Variants in ADD1 observed in about 807,000 individuals in gnomAD.
ADD1 encodes the protein alpha-adducin.
Under a neutral mutation model 80.5 loss-of-function variants are expected in ADD1, and 24 were observed. That is an observed-to-expected ratio of 0.30 (90% CI 0.22 to 0.42). The LOEUF is 0.42. Among genes scored for constraint, ADD1 ranks in the 10% least tolerant of loss-of-function variants. ADD1 has a pLI of 1.00. For synonymous variants in ADD1, 373 were observed against 393.8 expected (o/e 0.95, Z 0.63); for missense variants, 948 against 1,019.0 (o/e 0.93, Z 0.95).
chr4:2,846,229 C>G (rs79851133), intron 1 of ADD1, among the ~76,000 whole-genome samples: 2,557 of 152,274 alleles, frequency 0.017, 82 homozygotes, highest in African/African-American at 0.058. Context: ...AGTTTCCCCT[C>G]CATATTTAGT....
rs780374079 is a variant in ADD1, at chr4:2,869,933, C to T, written c.-20-5963C>T. Among the ~76,000 whole-genome samples, 145 of 152,140 alleles carry T rather than the reference C, an allele frequency of 9.5e-4. 2 individuals carry two copies. The highest frequency in any genetic ancestry group is 2.0e-4 in the Admixed American group (3 of 15,274). Reference sequence around the variant, plus strand: ...TCCTTTTTCCCACGGAGCAGTAATTCATTATTAGCTGACAATCAAAGAGCA... The same window carrying T: ...TCCTTTTTCCCACGGAGCAGTAATTTATTATTAGCTGACAATCAAAGAGCA... On this transcript the variant is annotated intron_variant, in intron 1 of 15. Coordinates refer to ENST00000683351, the MANE Select transcript of ADD1 (RefSeq NM_001354761.2).
chr4:2,925,936 C>A, intron 14 of ADD1, 78 bp from the exon 15 acceptor site: 1 of 1,288,840 alleles, frequency 7.8e-7, no homozygotes, highest in Non-Finnish European at 1.1e-6. Context: ...GCGGGCTGCC[C>A]CATCTGCCAT....
Position 2,929,494 on chromosome 4 carries a change from G to A in ADD1, c.*971G>A, listed in dbSNP as rs565322084. Reference sequence around the variant, plus strand: ...CACCGTCATTGATGGAGCCTGAACCGTGTGCTCCTCGGCAGATGCTGTTGT... The same window carrying A: ...CACCGTCATTGATGGAGCCTGAACCATGTGCTCCTCGGCAGATGCTGTTGT... On this transcript the variant is annotated 3_prime_UTR_variant, in exon 16 of 16. Coordinates refer to ENST00000683351, the MANE Select transcript of ADD1 (RefSeq NM_001354761.2). The A allele has an allele frequency of 5.2e-5, 8 of 152,430 alleles. No individual in the cohort carries two copies. In the South Asian group the frequency reaches 1.2e-3, roughly 24 times the overall value. 9.4% of individuals were successfully genotyped at this position (152,430 alleles called of 1,614,324 possible).
In ADD1 at chr4:2,926,046, A is replaced by G. The variant is rs770687955; in HGVS notation, c.1981A>G (p.Lys661Glu). 5.6e-6 allele frequency: 9 copies of G among 1,614,060 alleles called. No homozygotes were observed. In the African/African-American group the frequency reaches 6.7e-5, roughly 12 times the overall value. ...GGACGAGGCTAGAGAACAGAAAGAA[A>G]AGAGTCCTCCAGACCAGCCTGCGGT... ...NLDEAREQKE[K>E]SPPDQPAVPH... is the part of the protein sequence containing the mutation. Residue 661 changes from lysine (K) to glutamate (E), a missense_variant, in exon 15 of 16, where the codon AAG becomes GAG. Coordinates refer to ENST00000683351, the MANE Select transcript of ADD1 (RefSeq NM_001354761.2). The surrounding 1 kb of genome is among the most constrained non-coding windows in gnomAD (Gnocchi z 5.0).
intron 1 of ADD1, 44 bp from the exon 2 acceptor site, chr4:2,875,852 A>T: frequency 6.9e-7 from 1 of 1,439,264 alleles, no homozygotes; most frequent in Non-Finnish European, 9.4e-7. Context: ...ACACTGTTAG[A>T]CATTGATTTG....
chr4:2,896,918 C>CTGGCTAATGTTTTTATTTT (rs1735342239), intron 6 of ADD1, among the ~76,000 whole-genome samples: 1 of 152,046 alleles, frequency 6.6e-6, no homozygotes, highest in Non-Finnish European at 1.5e-5. Context: ...GCCACTGCAC[C>CTGGCTAATGTTTTTATTTT]TGGCTAATGT....
chr4:2,906,182 G>A (rs574004802), intron 10 of ADD1, among the ~76,000 whole-genome samples: 3 of 152,198 alleles, frequency 2.0e-5, no homozygotes, highest in East Asian at 1.9e-4. Context: ...TTTTCCTGAC[G>A]CAGTTGGTGA....
At chr4:2,875,158 G>A (rs928578553) in intron 1 of ADD1, among the ~76,000 whole-genome samples, 4 of 152,180 alleles carry the variant, frequency 2.6e-5, no homozygotes, top group Non-Finnish European at 4.4e-5. Context: ...GAGCCTGGGA[G>A]GTTGAGGTTG....
intron 1 of ADD1, among the ~76,000 whole-genome samples, chr4:2,858,250 A>G (rs1380909872): frequency 1.3e-5 from 2 of 152,216 alleles, no homozygotes; most frequent in African/African-American, 2.4e-5. Flanking sequence ...AGATGATGCT[A>G]TTGCTGCTAC....
chr4:2,891,646 T>C lies in ADD1; in HGVS notation c.511-2367T>C, dbSNP rs185525767. 1.1e-3 allele frequency among the ~76,000 whole-genome samples: 169 copies of C among 152,192 alleles called. 1 individual carries two copies. The highest frequency in any genetic ancestry group is 3.6e-3 in the Admixed American group (55 of 15,286). On this transcript the variant is annotated intron_variant, in intron 4 of 15. Coordinates refer to ENST00000683351, the MANE Select transcript of ADD1 (RefSeq NM_001354761.2). Reference sequence around the variant, plus strand: ...GATGGTAATAATGGGTAGATGCCGTTTATTGCGAGCTTTATTGTAGACACA... The same window carrying C: ...GATGGTAATAATGGGTAGATGCCGTCTATTGCGAGCTTTATTGTAGACACA...
At chr4:2,898,628 C>G (rs748800014) in intron 8 of ADD1, 97 bp downstream of exon 8, 1 of 1,032,390 alleles carries the variant, frequency 9.7e-7, no homozygotes, top group South Asian at 1.3e-5. Context: ...GGAGAGGAGT[C>G]TTTGAGCAAT....
intron 1 of ADD1, among the ~76,000 whole-genome samples, chr4:2,853,958 T>G (rs543120755): frequency 6.6e-6 from 1 of 152,320 alleles, no homozygotes; most frequent in African/African-American, 2.4e-5. Flanking sequence ...TGCTGCTGAT[T>G]CCCTGGAATT....
At chr4:2,879,786 C>T (rs1334789731) in intron 2 of ADD1, among the ~76,000 whole-genome samples, 1 of 152,190 alleles carries the variant, frequency 6.6e-6, no homozygotes, top group Non-Finnish European at 1.5e-5. Context: ...CCATACCCAG[C>T]TCGCTGCAAC....
At chr4:2,851,807 A>T (rs972708629) in intron 1 of ADD1, among the ~76,000 whole-genome samples, 2 of 152,180 alleles carry the variant, frequency 1.3e-5, no homozygotes, top group African/African-American at 4.8e-5. Flanking sequence ...TTAGGGGGGA[A>T]ATAGATGACC....
At chr4:2,851,140 T>G (rs1242063905) in intron 1 of ADD1, among the ~76,000 whole-genome samples, 1 of 152,180 alleles carries the variant, frequency 6.6e-6, no homozygotes, top group Admixed American at 6.5e-5. Context: ...CTGGAACTCC[T>G]GGGCTCAAGT....
At chr4:2,928,041 TTTC>T (rs1188450184) in intron 15 of ADD1, 127 bp from the exon 16 acceptor site, 54 of 810,082 alleles carry the variant, frequency 6.7e-5, no homozygotes, top group Middle Eastern at 3.6e-4. Context: ...ATATTTTAAG[TTTC>T]TTGTCTTGGT....
At chr4:2,875,259 T>C (rs1162454673) in intron 1 of ADD1, among the ~76,000 whole-genome samples, 2 of 152,016 alleles carry the variant, frequency 1.3e-5, no homozygotes, top group African/African-American at 4.8e-5. Context: ...GTAATGTCAG[T>C]AGCCATATTC....
chr4:2,890,687 C>T (rs541265400), intron 4 of ADD1, among the ~76,000 whole-genome samples: 3 of 152,272 alleles, frequency 2.0e-5, no homozygotes, highest in Admixed American at 2.0e-4. Flanking sequence ...GGATTACAGG[C>T]ATGAGCCACC....
chr4:2,900,582 A>AGGC (rs1736009653), intron 9 of ADD1: 1 of 152,500 alleles, frequency 6.6e-6, no homozygotes, highest in Middle Eastern at 3.2e-3. Context: ...TGGCTTCAGG[A>AGGC]AGCAGGGTGG....
Sources: gnomAD v4.1 joint callset for allele counts (sites outside exome capture counted in the v4.1 genomes callset) on GRCh38, gnomAD v4.1.1 for gene constraint, Gnocchi (gnomAD v3.1) non-coding constraint, MANE v1.5 for transcripts, NCBI Gene and HGNC (gene_info 2026-07-23, HGNC 2026-07-21) for gene names.